The following NAV3 variants were observed in gnomAD, a reference collection of about 807,000 sequenced individuals.
NAV3 encodes pore membrane and/or filament interacting like protein 1.
Under a neutral mutation model 244.7 loss-of-function variants are expected in NAV3, and 87 were observed. That is an observed-to-expected ratio of 0.36 (90% CI 0.30 to 0.42). The LOEUF is 0.42. Ranked by LOEUF, NAV3 falls within the 20% of genes least tolerant of loss-of-function variation. The probability of loss-of-function intolerance (pLI) is 1.00; values close to 1 mark genes in which losing one functional copy is unlikely to be tolerated. For missense variants in NAV3, 2,663 were observed against 2,893.3 expected (o/e 0.92, Z 1.83); for synonymous variants, 1,126 against 1,042.2 (o/e 1.08, Z -1.55).
intron 34 of NAV3, among the ~76,000 whole-genome samples, chr12:78,196,555 G>A (rs1294639070): frequency 6.6e-6 from 1 of 151,980 alleles, no homozygotes; most frequent in African/African-American, 2.4e-5. Flanking sequence ...CCATCTGTGA[G>A]AGCAGTCAAT....
intron 12 of NAV3, among the ~76,000 whole-genome samples, chr12:78,059,977 G>GTT (rs1358902075): frequency 6.6e-6 from 1 of 151,694 alleles, no homozygotes; most frequent in Non-Finnish European, 1.5e-5. Flanking sequence ...GTGTGTGTGT[G>GTT]TGTGTCTGTG....
intron 12 of NAV3, among the ~76,000 whole-genome samples, chr12:78,075,137 C>T (rs570125531): frequency 1.5e-4 from 23 of 152,250 alleles, no homozygotes; most frequent in South Asian, 4.1e-4. Flanking sequence ...ATATCTGACA[C>T]GTGCTTACTG....
At chr12:77,697,111 T>A (rs1167454606) in intron 2 of NAV3, among the ~76,000 whole-genome samples, 1 of 152,180 alleles carries the variant, frequency 6.6e-6, no homozygotes, top group Admixed American at 6.6e-5. Flanking sequence ...GTGTAAATTC[T>A]CCTGGACTGG....
intron 5 of NAV3, among the ~76,000 whole-genome samples, chr12:77,985,811 C>G (rs1870405051): frequency 6.6e-6 from 1 of 152,056 alleles, no homozygotes; most frequent in Non-Finnish European, 1.5e-5. Flanking sequence ...TTCATTCAGG[C>G]CTATATAAAA....
intron 2 of NAV3, among the ~76,000 whole-genome samples, chr12:77,800,683 G>A (rs1255296578): frequency 6.6e-6 from 1 of 152,100 alleles, no homozygotes; most frequent in African/African-American, 2.4e-5. Context: ...GGAATCTGTA[G>A]AATTGGCCCA....
At chr12:77,849,911 A>G (rs1877246558) in intron 1 of NAV3, among the ~76,000 whole-genome samples, 1 of 152,082 alleles carries the variant, frequency 6.6e-6, no homozygotes, top group South Asian at 2.1e-4. Context: ...GGATCTTCTA[A>G]GACAAGTGTC....
intron 5 of NAV3, among the ~76,000 whole-genome samples, chr12:77,987,349 C>T (rs920479696): frequency 5.3e-5 from 8 of 152,168 alleles, no homozygotes; most frequent in Admixed American, 5.2e-4. Context: ...ATAAAATGCA[C>T]ATGAGTTAAC....
rs753483302 is a variant in NAV3, at chr12:78,119,691, C to A, written c.3495C>A (p.Asn1165Lys). Reference sequence around the variant, plus strand: ...CCAGTACCAGCAGTATTGATTCCAACGTCAGCAGCAAGTCTGCTGGGGCCA... The same window carrying A: ...CCAGTACCAGCAGTATTGATTCCAAAGTCAGCAGCAAGTCTGCTGGGGCCA... Reference protein sequence around the residue: ...HRSSTSSIDSNVSSKSAGATT... With the variant: ...HRSSTSSIDSKVSSKSAGATT... Residue 1165 changes from asparagine to lysine, a missense_variant, in exon 15 of 40, where the codon AAC becomes AAA. Around this residue, in one of 6 missense-constraint regions of NAV3, gnomAD observed 1,521 missense variants for 1,497.0 expected, o/e 1.02. Coordinates refer to ENST00000397909, the MANE Select transcript of NAV3 (RefSeq NM_001024383.2). 3 of 1,614,192 alleles carry A rather than the reference C, an allele frequency of 1.9e-6. No individual in the cohort carries two copies. Among genetic ancestry groups the A allele is most frequent in the Non-Finnish European group, 2.5e-6 (3 of 1,180,036 alleles).
chr12:78,127,880 A>G (rs1459372675), intron 17 of NAV3, among the ~76,000 whole-genome samples: 1 of 152,150 alleles, frequency 6.6e-6, no homozygotes, highest in African/African-American at 2.4e-5. Flanking sequence ...TATTCCATCC[A>G]TAATAAAAAA....
At chr12:77,924,025 T>C (rs1887957925) in intron 1 of NAV3, among the ~76,000 whole-genome samples, 1 of 152,100 alleles carries the variant, frequency 6.6e-6, no homozygotes, top group Non-Finnish European at 1.5e-5. Context: ...GCAAGGAGAA[T>C]CTCTGTAATT....
chr12:77,919,307 C>T (rs2137147291), intron 1 of NAV3, among the ~76,000 whole-genome samples: 1 of 152,148 alleles, frequency 6.6e-6, no homozygotes, highest in East Asian at 1.9e-4. Flanking sequence ...TGAATTTCCA[C>T]ATTAGTCCCA....
In NAV3 at chr12:77,941,116, A is replaced by G. The variant is rs749845155; in HGVS notation, c.397A>G (p.Arg133Gly). The G allele has an allele frequency of 1.3e-6, 2 of 1,580,586 alleles. No homozygotes were observed. Among genetic ancestry groups the G allele is most frequent in the Non-Finnish European group, 1.7e-6 (2 of 1,156,236 alleles). The change falls in exon 3 of 40, where the codon AGA becomes GGA. Residue 133 changes from arginine to glycine, a missense_variant. Arg to Gly is a moderately radical substitution (Grantham distance 125, BLOSUM62 -2). Around this residue, in one of 6 missense-constraint regions of NAV3, gnomAD observed 1,521 missense variants for 1,497.0 expected, o/e 1.02. Transcript: ENST00000397909. ...EKVEDINGCP[R>G]SQSQMIENVD... ...AGTTGAAGATATCAATGGATGTCCTAGAAGTCAGTCTCAGATGGTAAGAAT... is the reference window on the plus strand; with the variant it reads ...AGTTGAAGATATCAATGGATGTCCTGGAAGTCAGTCTCAGATGGTAAGAAT...
intron 1 of NAV3, among the ~76,000 whole-genome samples, chr12:77,893,808 G>GA (rs940542565): frequency 6.6e-6 from 1 of 152,184 alleles, no homozygotes; most frequent in Admixed American, 6.5e-5. Flanking sequence ...AAGAGCCAGA[G>GA]AAATATCTTC....
intron 1 of NAV3, among the ~76,000 whole-genome samples, chr12:77,852,202 G>A (rs1366684208): frequency 6.6e-6 from 1 of 152,178 alleles, no homozygotes; most frequent in Admixed American, 6.5e-5. Flanking sequence ...TGTGGTAATG[G>A]ATAACTGATT....
At chr12:78,129,486 A>T (rs952405290) in intron 18 of NAV3, among the ~76,000 whole-genome samples, 1 of 152,182 alleles carries the variant, frequency 6.6e-6, no homozygotes, top group East Asian at 1.9e-4. Context: ...TTACCAACTT[A>T]GTCATTGGGT....
Position 78,048,274 on chromosome 12 carries a change from C to T in NAV3, c.2024-1719C>T, listed in dbSNP as rs147470173. ...TCCCTTGCTGGTGAAGAGTTGTGAT[C>T]CTTTGGAGGAGAAGAGGCATTCTGG... On this transcript the variant is annotated intron_variant, in intron 9 of 39. Transcript: ENST00000397909. 2.2e-3 allele frequency among the ~76,000 whole-genome samples: 330 copies of T among 152,234 alleles called. 2 individuals are homozygous for T. Among genetic ancestry groups the T allele is most frequent in the African/African-American group, 7.2e-3 (298 of 41,530 alleles).
rs1008819593 is a variant in NAV3, at chr12:77,876,254, C to T, written c.243+44550C>T. ...ATTATATGAACTGGGCATTCATTGT[C>T]TTCCCACTTCTCCAATACTGAAAAG... On this transcript the variant is annotated intron_variant, in intron 1 of 39. Coordinates refer to ENST00000397909, the MANE Select transcript of NAV3 (RefSeq NM_001024383.2). 3.9e-5 allele frequency among the ~76,000 whole-genome samples: 6 copies of T among 152,120 alleles called. No individual in the cohort carries two copies. The East Asian group carries it at 1.2e-3, about 29-fold the overall frequency.
In NAV3 at chr12:78,007,189, T is replaced by C. The variant is rs2136590822; in HGVS notation, c.1651T>C (p.Ser551Pro). The change falls in exon 8 of 40, where the codon TCT becomes CCT. Residue 551 changes from serine (S) to proline (P), a missense_variant. By Grantham distance (74) the Ser-to-Pro change is moderately conservative. Coordinates refer to ENST00000397909, the MANE Select transcript of NAV3 (RefSeq NM_001024383.2). ...ACCTGGCAGCACAGCAAGCAAAGAG[T>C]CTGAGAAATTCAGGACTACCAAGGG... is the stretch of plus-strand genomic sequence containing the variant. ...ISPGSTASKESEKFRTTKGSP... is the reference protein window; with the variant it reads ...ISPGSTASKEPEKFRTTKGSP... 6.2e-7 allele frequency: 1 copy of C among 1,613,718 alleles called. No individual in the cohort carries two copies. The highest frequency in any genetic ancestry group is 8.5e-7 in the Non-Finnish European group (1 of 1,179,934).
At chr12:78,091,368 A>G (rs1953923566) in intron 12 of NAV3, 1 of 152,184 alleles carries the variant, frequency 6.6e-6, no homozygotes, top group Non-Finnish European at 1.5e-5. Flanking sequence ...AATGTTGATA[A>G]TTTTAATTTG....
Sources: gnomAD v4.1 joint callset for allele counts (sites outside exome capture counted in the v4.1 genomes callset) on GRCh38, gnomAD v4.1.1 for gene constraint, gnomAD v4.1.1 regional missense constraint, MANE v1.5 for transcripts, NCBI Gene and HGNC (gene_info 2026-07-23, HGNC 2026-07-21) for gene names.